The following KCNAB2 variants were observed in gnomAD, a reference collection of about 807,000 sequenced individuals.
KCNAB2 encodes the protein potassium voltage-gated channel subfamily A regulatory beta subunit 2.
In KCNAB2, 29 loss-of-function variants were observed where a neutral mutation model predicts 63.6. The ratio of observed to expected loss-of-function variants is 0.46; its 90% CI spans 0.34 to 0.62. KCNAB2 has a LOEUF of 0.62. KCNAB2 is among the 20% of genes least tolerant of loss of function. The probability of loss-of-function intolerance (pLI) is 0.01; values close to 1 mark genes in which losing one functional copy is unlikely to be tolerated. For missense variants in KCNAB2, 359 were observed against 563.9 expected (o/e 0.64, Z 3.68); for synonymous variants, 222 against 224.2 (o/e 0.99, Z 0.09).
At chr1:6,022,967 C>T (rs1658934346) in intron 1 of KCNAB2, among the ~76,000 whole-genome samples, 1 of 150,344 alleles carries the variant, frequency 6.7e-6, no homozygotes, top group Non-Finnish European at 1.5e-5. Context: ...ACTGCAACCC[C>T]TGCCTCCTGG....
intron 1 of KCNAB2, among the ~76,000 whole-genome samples, chr1:6,015,033 T>TTG (rs1553212831): frequency 1.4e-5 from 2 of 143,282 alleles, no homozygotes; most frequent in African/African-American, 2.6e-5. Flanking sequence ...TTTTTTTTTT[T>TTG]TTTTTTTTTG....
intron 2 of KCNAB2, among the ~76,000 whole-genome samples, chr1:6,068,692 G>A (rs1219999238): frequency 2.0e-5 from 3 of 152,176 alleles, no homozygotes; most frequent in African/African-American, 7.2e-5. Context: ...TGCGTCATGA[G>A]TTGCTGCACA....
At chr1:6,033,748 G>A (rs781665176), upstream of KCNAB2, among the ~76,000 whole-genome samples, 3 of 152,222 alleles carry the variant, frequency 2.0e-5, no homozygotes, top group Admixed American at 6.5e-5. Context: ...AGCCAACCAC[G>A]TAAAGGGAAA....
At position 6,096,200 on chromosome 1, in the gene KCNAB2, GC is replaced by G; in HGVS notation, c.949-435del. 2 of 457,152 alleles carry G rather than the reference GC, an allele frequency of 4.4e-6. No individual in the cohort carries two copies. Among genetic ancestry groups the G allele is most frequent in the Non-Finnish European group, 8.8e-6 (2 of 228,330 alleles). The allele number at this position is 457,152 out of a possible 1,614,324, so 28.3% of individuals were successfully genotyped here. A position where few individuals can be genotyped will look rare whatever the true frequency, so the allele number is the denominator to read the frequency against. ...GGCCCCCGACTCCTCCCATCCCATG[GC>G]AAGGTCAGGGCCCCCCTCCAGGAGG... On this transcript the variant is annotated intron_variant, in intron 13 of 15. Transcript: ENST00000378083. This position sits in a 1 kb window ranked among gnomAD's most constrained non-coding sequence, Gnocchi z 5.9.
In KCNAB2 at chr1:6,014,805, G is replaced by A. The variant is rs565370086; in HGVS notation, c.-53+22017G>A. 3.9e-5 allele frequency among the ~76,000 whole-genome samples: 6 copies of A among 152,158 alleles called. 1 individual carries two copies. The highest frequency in any genetic ancestry group is 6.5e-5 in the Admixed American group (1 of 15,276). On this transcript the variant is annotated intron_variant, in intron 1 of 16. Coordinates refer to the KCNAB2 transcript ENST00000341524. ...GGCAGTGAGGTCAGAGGCTAGGCTC[G>A]CAGGCAGCATGGGAACCACTTGGCC... is the stretch of plus-strand genomic sequence containing the variant.
At chr1:6,062,427 C>CTG (rs934134236) in intron 2 of KCNAB2, among the ~76,000 whole-genome samples, 108 of 152,274 alleles carry the variant, frequency 7.1e-4, no homozygotes, top group African/African-American at 2.5e-3. Context: ...TGTCTAGCAG[C>CTG]TGTTTGTGTC....
upstream of KCNAB2, among the ~76,000 whole-genome samples, chr1:6,033,569 G>T (rs1659808113): frequency 6.6e-6 from 1 of 152,140 alleles, no homozygotes; most frequent in Non-Finnish European, 1.5e-5. Flanking sequence ...GAGACAAGAG[G>T]TAAACAATTG....
chr1:6,037,367 G>A (rs759726777), intron 1 of KCNAB2, among the ~76,000 whole-genome samples: 5 of 152,246 alleles, frequency 3.3e-5, no homozygotes, highest in Admixed American at 3.3e-4. Flanking sequence ...GGCTGTGTGA[G>A]GACATCCTGC....
chr1:6,099,889 G>C lies in KCNAB2; in HGVS notation c.*1315G>C. The stretch of plus-strand genomic sequence containing the variant: ...CGTGCAGCTTGGGCCGGAGGGCAAG[G>C]GATGCCAGTAAGTCTGCAGGTGCGG... On this transcript the variant is annotated 3_prime_UTR_variant, in exon 16 of 16. Transcript: ENST00000378083. 6.5e-7 allele frequency: 1 copy of C among 1,550,332 alleles called. No individual in the cohort carries two copies. The highest frequency in any genetic ancestry group is 8.7e-7 in the Non-Finnish European group (1 of 1,146,892).
rs900297369 is a variant in KCNAB2, at chr1:6,098,963, G to A, written c.*389G>A. 1.1e-5 allele frequency: 2 copies of A among 182,586 alleles called. No individual in the cohort carries two copies. Among genetic ancestry groups the A allele is most frequent in the Non-Finnish European group, 2.3e-5 (2 of 87,826 alleles). 11.3% of individuals were successfully genotyped at this position (182,586 alleles called of 1,614,324 possible). On this transcript the variant is annotated 3_prime_UTR_variant, in exon 16 of 16. Coordinates refer to ENST00000378083, the MANE Select transcript of KCNAB2 (RefSeq NM_001199862.2). ...AAGGCCTGGTTGGGTCCTTGGGGCG[G>A]GCAGGGCCAGCCTCTCCTCTGCTGA...
At chr1:6,065,719 G>A (rs997062493) in intron 2 of KCNAB2, among the ~76,000 whole-genome samples, 12 of 152,200 alleles carry the variant, frequency 7.9e-5, no homozygotes, top group Non-Finnish European at 1.5e-5. Context: ...GTTGGGCTGA[G>A]GACTTGGGCA....
upstream of KCNAB2, chr1:6,041,052 T>G (rs1174988557): frequency 3.5e-5 from 6 of 169,358 alleles, no homozygotes; most frequent in African/African-American, 1.4e-4. Flanking sequence ...ATGACGACCT[T>G]GCAGGCCTTT....
In KCNAB2 at chr1:6,069,280, C is replaced by G. The variant is rs908083959; in HGVS notation, c.219-3475C>G. Among the ~76,000 whole-genome samples the G allele has an allele frequency of 2.0e-5, 3 of 152,226 alleles. No homozygotes were observed. Among genetic ancestry groups the G allele is most frequent in the Non-Finnish European group, 4.4e-5 (3 of 68,036 alleles). ...CCACGGTGCTTGCCCTTCACCTGATCACAGTTTTGTCCTCTGCCCAGGTGG... is the reference window on the plus strand; with the variant it reads ...CCACGGTGCTTGCCCTTCACCTGATGACAGTTTTGTCCTCTGCCCAGGTGG... On this transcript the variant is annotated intron_variant, in intron 2 of 15. Coordinates refer to ENST00000378083, the MANE Select transcript of KCNAB2 (RefSeq NM_001199862.2). The surrounding 1 kb of genome is among the most constrained non-coding windows in gnomAD (Gnocchi z 5.4).
At chr1:6,040,141 G>A (rs1242176255) in intron 1 of KCNAB2, among the ~76,000 whole-genome samples, 1 of 152,234 alleles carries the variant, frequency 6.6e-6, no homozygotes, top group South Asian at 2.1e-4. Context: ...AGCTCAGAAA[G>A]TACACAGATG....
At chr1:6,010,772 T>C (rs1658102028) in intron 1 of KCNAB2, among the ~76,000 whole-genome samples, 1 of 152,180 alleles carries the variant, frequency 6.6e-6, no homozygotes, top group Admixed American at 6.5e-5. Context: ...GGAGGGTCTT[T>C]CCTGGGAAGG....
intron 1 of KCNAB2, among the ~76,000 whole-genome samples, chr1:6,010,298 A>G (rs980989098): frequency 2.0e-5 from 3 of 152,218 alleles, no homozygotes; most frequent in Admixed American, 6.5e-5. Context: ...CTTGTCATCA[A>G]TAAAAGGTAA....
rs1452451991 is a variant in KCNAB2, at chr1:6,081,747, A to C, written c.301-448A>C. Among the ~76,000 whole-genome samples the C allele has an allele frequency of 3.3e-5, 5 of 152,344 alleles. No homozygotes were observed. In the South Asian group the frequency reaches 6.2e-4, roughly 19 times the overall value. ...GCATTTTCTCTCCTTGTAAATCACC[A>C]GTCACATAGGGTGTAGGACCCACCC... is the stretch of plus-strand genomic sequence containing the variant. On this transcript the variant is annotated intron_variant, in intron 4 of 15. Coordinates refer to ENST00000378083, the MANE Select transcript of KCNAB2 (RefSeq NM_001199862.2).
intron 5 of KCNAB2, 149 bp downstream of exon 5, chr1:6,082,423 G>C: frequency 1.6e-6 from 1 of 633,492 alleles, no homozygotes; most frequent in Non-Finnish European, 2.8e-6. Context: ...GGCTTTAGGA[G>C]GTGCTATTTT....
chr1:6,097,557 T>A, intron 15 of KCNAB2, 200 bp downstream of exon 15: 1 of 929,118 alleles, frequency 1.1e-6, no homozygotes, highest in South Asian at 1.5e-5. Flanking sequence ...AACAAGGAGG[T>A]TAGAATGTGT....
Sources: allele counts gnomAD v4.1 joint callset (sites outside exome capture counted in the v4.1 genomes callset), GRCh38; gene constraint gnomAD v4.1.1; non-coding constraint Gnocchi (gnomAD v3.1); transcripts MANE v1.5; gene names NCBI Gene and HGNC (gene_info 2026-07-23, HGNC 2026-07-21).